The following MCHR2 variants were observed in gnomAD, a reference collection of about 807,000 sequenced individuals.
MCHR2 encodes the protein melanin-concentrating hormone receptor 2.
A neutral mutation model predicts 24.8 loss-of-function variants in MCHR2; 15 were observed. That is an observed-to-expected ratio of 0.60 (90% CI 0.40 to 0.93). The LOEUF (loss-of-function observed/expected upper bound fraction) is 0.93, where lower values mean the gene tolerates loss of function less well. Ranked by LOEUF, MCHR2 falls within the 40% of genes least tolerant of loss-of-function variation. MCHR2 has a pLI of 0.00. For synonymous variants in MCHR2, 151 were observed against 147.6 expected, an observed-to-expected ratio of 1.02 and a Z score of -0.17; for missense variants, 386 against 408.7, an observed-to-expected ratio of 0.94 and a Z score of 0.48.
chr6:99,948,012 A>G (rs200054622), intron 2 of MCHR2, 41 bp from the exon 3 acceptor site: 1 of 1,540,886 alleles, frequency 6.5e-7, no homozygotes, highest in South Asian at 1.2e-5. Flanking sequence ...CATTGAATGT[A>G]TACAGACTAT....
chr6:99,971,904 A>G (rs983210242), intron 1 of MCHR2, among the ~76,000 whole-genome samples: 5 of 152,214 alleles, frequency 3.3e-5, no homozygotes, highest in African/African-American at 7.2e-5. Context: ...CATCCCAGGG[A>G]TGAAGCCCAT....
intron 4 of MCHR2, among the ~76,000 whole-genome samples, chr6:99,935,649 G>C (rs369550393): frequency 3.9e-5 from 6 of 151,952 alleles, no homozygotes; most frequent in African/African-American, 1.4e-4. Context: ...TGGTTATTGT[G>C]AACAGTACAG....
intron 1 of MCHR2, among the ~76,000 whole-genome samples, chr6:99,978,741 G>A (rs570143165): frequency 1.3e-5 from 2 of 152,160 alleles, no homozygotes; most frequent in Middle Eastern, 6.8e-3. Context: ...TAGAAGAAAA[G>A]CTCATCCATT....
chr6:99,954,788 TGA>T (rs1278644204), intron 2 of MCHR2, among the ~76,000 whole-genome samples: 5 of 152,162 alleles, frequency 3.3e-5, no homozygotes, highest in African/African-American at 9.7e-5. Context: ...CATGGGTGGC[TGA>T]GAGAGTGACG....
chr6:99,923,685 T>C (rs575111741), intron 5 of MCHR2, among the ~76,000 whole-genome samples: 12 of 152,214 alleles, frequency 7.9e-5, no homozygotes, highest in African/African-American at 2.4e-4. Flanking sequence ...ATGTTGATCA[T>C]TTAAATGATC....
intron 5 of MCHR2, among the ~76,000 whole-genome samples, chr6:99,926,337 T>A (rs941420570): frequency 6.6e-6 from 1 of 152,194 alleles, no homozygotes; most frequent in African/African-American, 2.4e-5. Context: ...TATAGTCCTT[T>A]GGGTATATAC....
chr6:99,922,363 A>G (rs1458863308), intron 5 of MCHR2, among the ~76,000 whole-genome samples: 2 of 152,034 alleles, frequency 1.3e-5, no homozygotes, highest in African/African-American at 4.8e-5. Flanking sequence ...CGCCTCGGCC[A>G]TCCAAAGTGC....
chr6:99,954,247 A>G (rs1392389376), intron 2 of MCHR2, among the ~76,000 whole-genome samples: 1 of 152,114 alleles, frequency 6.6e-6, no homozygotes, highest in Non-Finnish European at 1.5e-5. Context: ...TACTCATCTG[A>G]ACCTCTTTTC....
intron 5 of MCHR2, among the ~76,000 whole-genome samples, chr6:99,928,568 G>A (rs1478664027): frequency 7.9e-5 from 12 of 152,160 alleles, no homozygotes; most frequent in Non-Finnish European, 1.8e-4. Context: ...AGTCTTGGGA[G>A]GGTGTATGTG....
At chr6:99,941,645 C>A (rs1008661809) in intron 4 of MCHR2, among the ~76,000 whole-genome samples, 14 of 152,080 alleles carry the variant, frequency 9.2e-5, no homozygotes, top group Non-Finnish European at 1.9e-4. Flanking sequence ...CTCTCTTTTG[C>A]CACATAAGGA....
chr6:99,992,870 G>A (rs1400561769), intron 1 of MCHR2, among the ~76,000 whole-genome samples: 1 of 151,958 alleles, frequency 6.6e-6, no homozygotes, highest in South Asian at 2.1e-4. Flanking sequence ...CAAATAATGG[G>A]TTACCAACCC....
intron 1 of MCHR2, among the ~76,000 whole-genome samples, chr6:99,957,457 T>G (rs775148694): frequency 6.6e-6 from 1 of 152,156 alleles, no homozygotes; most frequent in Non-Finnish European, 1.5e-5. Context: ...CTTTGATAAT[T>G]GAATCTCCCC....
chr6:99,986,608 G>A (rs533228312), intron 1 of MCHR2, among the ~76,000 whole-genome samples: 1 of 152,210 alleles, frequency 6.6e-6, no homozygotes, highest in East Asian at 1.9e-4. Flanking sequence ...TTATAAGTGG[G>A]AGCTAAACAA....
chr6:99,927,649 G>C (rs1431102977), intron 5 of MCHR2, among the ~76,000 whole-genome samples: 2 of 151,798 alleles, frequency 1.3e-5, no homozygotes, highest in African/African-American at 4.8e-5. Context: ...TCTGTTATTG[G>C]TGTATAAGAA....
In MCHR2 at chr6:99,972,106, C is replaced by A. The variant is rs1582403107; in HGVS notation, c.-27-15932G>T. 2.0e-5 allele frequency among the ~76,000 whole-genome samples: 3 copies of A among 152,270 alleles called. No individual in the cohort carries two copies. In the South Asian group the frequency reaches 6.2e-4, roughly 32 times the overall value. On this transcript the variant is annotated intron_variant, in intron 1 of 5. Coordinates refer to ENST00000281806, the MANE Select transcript of MCHR2 (RefSeq NM_001040179.2). ...GAATTAGGGAGGATTCCCTCTTTTT[C>A]TATTGATTGGAATAGTTTCAGAAGG...
At chr6:99,937,826 T>A (rs1009027359) in intron 4 of MCHR2, among the ~76,000 whole-genome samples, 1 of 151,782 alleles carries the variant, frequency 6.6e-6, no homozygotes, top group Non-Finnish European at 1.5e-5. Context: ...AATGAAGTCA[T>A]CAGGTCCTGG....
chr6:99,961,936 C>G (rs1275295015), intron 1 of MCHR2, among the ~76,000 whole-genome samples: 1 of 152,082 alleles, frequency 6.6e-6, no homozygotes, highest in Non-Finnish European at 1.5e-5. Context: ...GCCAAACTAG[C>G]ACGAATTTAT....
At chr6:99,923,122 T>C (rs1774273402) in intron 5 of MCHR2, among the ~76,000 whole-genome samples, 1 of 152,020 alleles carries the variant, frequency 6.6e-6, no homozygotes, top group East Asian at 1.9e-4. Flanking sequence ...TGTTAAGTTT[T>C]TAGGTATTTA....
chr6:99,924,051 T>C (rs1179844401), intron 5 of MCHR2, among the ~76,000 whole-genome samples: 7 of 152,102 alleles, frequency 4.6e-5, no homozygotes, highest in Non-Finnish European at 8.8e-5. Context: ...TTTTTGTTTC[T>C]TGGGAGACTT....
Sources: gnomAD v4.1 joint callset for allele counts (sites outside exome capture counted in the v4.1 genomes callset) on GRCh38, gnomAD v4.1.1 for gene constraint, MANE v1.5 for transcripts, NCBI Gene and HGNC (gene_info 2026-07-23, HGNC 2026-07-21) for gene names.